LRRK1: variants seen among roughly 807,000 people sequenced by gnomAD.
LRRK1 encodes leucine rich repeat kinase 1, also known as leucine-rich repeat serine/threonine-protein kinase 1.
LRRK1 carries 113 observed loss-of-function variants against 209.1 expected under a neutral mutation model. That is an observed-to-expected ratio of 0.54 (90% CI 0.46 to 0.63). The LOEUF (loss-of-function observed/expected upper bound fraction) is 0.63. Among genes scored for constraint, LRRK1 ranks in the 30% least tolerant of loss-of-function variants. The pLI, the probability that LRRK1 is intolerant of heterozygous loss-of-function variation, is 0.00. For synonymous variants in LRRK1, 1,144 were observed against 1,099.7 expected (o/e 1.04, Z -0.80); for missense variants, 2,284 against 2,632.2 (o/e 0.87, Z 2.89).
chr15:101,014,380 C>T lies in LRRK1; in HGVS notation c.1484C>T (p.Thr495Ile). Reference sequence around the variant, plus strand: ...GCACTTCCACCTCAAGAGAAGTGGACCTGCAGGCAGCTCAAAACCCTGGAT... The same window carrying T: ...GCACTTCCACCTCAAGAGAAGTGGATCTGCAGGCAGCTCAAAACCCTGGAT... ...LAALPPQEKW[T>I]CRQLKTLDLS... is the part of the protein sequence containing the mutation. Residue 495 changes from threonine (T) to isoleucine (I), a missense_variant, in exon 11 of 34, where the codon ACC becomes ATC. Thr to Ile is a moderately conservative substitution (Grantham distance 89). Around this residue, in one of 6 missense-constraint regions of LRRK1, gnomAD observed 494 missense variants for 522.1 expected, o/e 0.95. Coordinates refer to ENST00000388948, the MANE Select transcript of LRRK1 (RefSeq NM_024652.6). 1 of 1,614,036 alleles carries T rather than the reference C, an allele frequency of 6.2e-7. No homozygotes were observed. The highest frequency in any genetic ancestry group is 1.1e-5 in the South Asian group (1 of 91,072).
At chr15:100,940,945 C>A (rs1267021980) in intron 2 of LRRK1, among the ~76,000 whole-genome samples, 1 of 152,208 alleles carries the variant, frequency 6.6e-6, no homozygotes, top group Non-Finnish European at 1.5e-5. Flanking sequence ...CTAGACCCTG[C>A]CTTGCAGAGA....
Position 101,022,333 on chromosome 15 carries a change from T to C in LRRK1, c.1853-50T>C. ...CAACAGGATTTTGTGTCCTAAGAGA[T>C]GTGAGCATGTGCCCACGCAGCTACC... On this transcript the variant is annotated intron_variant, in intron 14 of 33. Coordinates refer to ENST00000388948, the MANE Select transcript of LRRK1 (RefSeq NM_024652.6). The surrounding 1 kb of genome is among the most constrained non-coding windows in gnomAD (Gnocchi z 4.0). 4.5e-6 allele frequency: 7 copies of C among 1,540,238 alleles called. No homozygotes were observed. The highest frequency in any genetic ancestry group is 6.3e-6 in the Non-Finnish European group (7 of 1,114,216).
intron 2 of LRRK1, among the ~76,000 whole-genome samples, chr15:100,973,042 G>C (rs917495367): frequency 6.6e-6 from 1 of 152,188 alleles, no homozygotes; most frequent in African/African-American, 2.4e-5. Context: ...GTGGAAGCTC[G>C]GGGAGGGCGA....
Position 101,024,675 on chromosome 15 carries a change from G to A in LRRK1, c.2068-128G>A. 9.7e-7 allele frequency: 1 copy of A among 1,026,676 alleles called. No homozygotes were observed. The allele number at this position is 1,026,676 out of a possible 1,614,324, so 63.6% of individuals were successfully genotyped here. ...TTCCTAAGAAACAATAGAGTGTCCA[G>A]AACTTTTCCACGGTTGTTTTTTCAG... On this transcript the variant is annotated intron_variant, in intron 15 of 33. Transcript: ENST00000388948. This position sits in a 1 kb window ranked among gnomAD's most constrained non-coding sequence, Gnocchi z 4.6.
At chr15:101,067,217 T>C (rs2036580860) in intron 33 of LRRK1, 1 of 455,854 alleles carries the variant, frequency 2.2e-6, no homozygotes, top group Non-Finnish European at 4.4e-6. Context: ...GCTCAGTACC[T>C]GTCTGTGGGT....
At chr15:100,994,733 T>C (rs1408487739) in intron 6 of LRRK1, among the ~76,000 whole-genome samples, 2 of 152,176 alleles carry the variant, frequency 1.3e-5, no homozygotes, top group Non-Finnish European at 2.9e-5. Flanking sequence ...GTGGTATTTT[T>C]AGCATTCAAG....
intron 20 of LRRK1, chr15:101,043,906 A>G (rs2034905538): frequency 6.6e-6 from 1 of 152,226 alleles, no homozygotes; most frequent in African/African-American, 2.4e-5. Context: ...AAATACATGT[A>G]AAATACTCAG....
At chr15:101,055,506 AAGAG>A (rs1356148143) in intron 27 of LRRK1, among the ~76,000 whole-genome samples, 2 of 152,188 alleles carry the variant, frequency 1.3e-5, no homozygotes, top group African/African-American at 4.8e-5. Context: ...TGAAGAGTCC[AAGAG>A]AGAAACAGGT....
intron 2 of LRRK1, among the ~76,000 whole-genome samples, chr15:100,972,555 T>C (rs1425888647): frequency 6.6e-6 from 1 of 152,158 alleles, no homozygotes; most frequent in Non-Finnish European, 1.5e-5. Context: ...TGGGTAAAGC[T>C]AGTTTTAAAG....
rs560497126 is a variant in LRRK1, at chr15:100,948,398, A to C, written c.97+23669A>C. 1.1e-4 allele frequency among the ~76,000 whole-genome samples: 16 copies of C among 152,312 alleles called. No individual in the cohort carries two copies. In the South Asian group the frequency reaches 3.3e-3, roughly 32 times the overall value. ...CTTATGAATGCACGGAGGTCATGAA[A>C]GGGATGTAGTTTTGCTAAGTATTGG... On this transcript the variant is annotated intron_variant, in intron 2 of 33. Transcript: ENST00000388948.
At chr15:101,016,588 A>G (rs1390875940) in intron 12 of LRRK1, among the ~76,000 whole-genome samples, 3 of 152,172 alleles carry the variant, frequency 2.0e-5, no homozygotes, top group Non-Finnish European at 4.4e-5. Flanking sequence ...ATGGTGTCAC[A>G]TTGGGTATTA....
Position 101,027,173 on chromosome 15 carries a change from C to T in LRRK1, c.2406-88C>T. 4 of 1,544,500 alleles carry T rather than the reference C, an allele frequency of 2.6e-6. No individual in the cohort carries two copies. The Admixed American group carries it at 7.4e-5, about 29-fold the overall frequency. On this transcript the variant is annotated intron_variant, in intron 17 of 33. Transcript: ENST00000388948. The surrounding 1 kb of genome is among the most constrained non-coding windows in gnomAD (Gnocchi z 5.1). The stretch of plus-strand genomic sequence containing the variant: ...CGAGTTCTCCAGACTTGCCAGCGTT[C>T]AGGACAAACCTCTCAGGGAAACAGA...
intron 2 of LRRK1, among the ~76,000 whole-genome samples, chr15:100,930,069 T>G (rs1214381315): frequency 2.0e-5 from 3 of 152,228 alleles, no homozygotes; most frequent in Admixed American, 2.0e-4. Context: ...GCTTGCTTAC[T>G]TCTAGCAATG....
At chr15:100,969,410 T>C (rs2030710062) in intron 2 of LRRK1, among the ~76,000 whole-genome samples, 1 of 152,214 alleles carries the variant, frequency 6.6e-6, no homozygotes, top group Non-Finnish European at 1.5e-5. Flanking sequence ...GAAGATAATC[T>C]CCGCTATGTT....
Position 101,062,383 on chromosome 15 carries a change from T to C in LRRK1, c.4798-191T>C, listed in dbSNP as rs576096269. On this transcript the variant is annotated intron_variant, in intron 30 of 33. Coordinates refer to ENST00000388948, the MANE Select transcript of LRRK1 (RefSeq NM_024652.6). The stretch of plus-strand genomic sequence containing the variant: ...GCTATTTTCTGTTTCCTCTTTAGAC[T>C]AGTCTGTCTTTTTCAACGTTTCTAC... 22 of 544,828 alleles carry C rather than the reference T, an allele frequency of 4.0e-5. No homozygotes were observed. In the South Asian group the frequency reaches 5.5e-4, roughly 14 times the overall value. 33.7% of individuals were successfully genotyped at this position (544,828 alleles called of 1,614,324 possible).
chr15:101,007,844 T>C (rs965051565), intron 6 of LRRK1, among the ~76,000 whole-genome samples: 41 of 152,172 alleles, frequency 2.7e-4, no homozygotes, highest in African/African-American at 9.7e-4. Flanking sequence ...ACGGAAATGA[T>C]GGCTTAGCTT....
chr15:101,030,682 A>G (rs949002174), intron 20 of LRRK1, among the ~76,000 whole-genome samples: 4 of 152,096 alleles, frequency 2.6e-5, no homozygotes, highest in Admixed American at 2.6e-4. Flanking sequence ...TGGCCCTGCC[A>G]TCTCCCAGTG....
chr15:100,989,571 A>T (rs1006301402), intron 6 of LRRK1, 173 bp downstream of exon 6: 2 of 655,008 alleles, frequency 3.1e-6, no homozygotes, highest in East Asian at 2.7e-5. Context: ...ATGCAGTGAT[A>T]TGAAGGTGGA....
At chr15:100,950,963 C>A (rs922169658) in intron 2 of LRRK1, among the ~76,000 whole-genome samples, 1 of 152,126 alleles carries the variant, frequency 6.6e-6, no homozygotes. Context: ...ATTAGCCGGG[C>A]GTGGTGGCGG....
Sources: gnomAD v4.1 joint callset for allele counts (sites outside exome capture counted in the v4.1 genomes callset) on GRCh38, gnomAD v4.1.1 for gene constraint, gnomAD v4.1.1 regional missense constraint, Gnocchi (gnomAD v3.1) non-coding constraint, MANE v1.5 for transcripts, NCBI Gene and HGNC (gene_info 2026-07-23, HGNC 2026-07-21) for gene names.